MTA3: variants seen among roughly 807,000 people sequenced by gnomAD.
MTA3 encodes metastasis associated 1 family member 3.
In MTA3, 34 loss-of-function variants were observed where a neutral mutation model predicts 83.5. The ratio of observed to expected loss-of-function variants is 0.41; its 90% CI spans 0.31 to 0.54. The LOEUF (loss-of-function observed/expected upper bound fraction) is 0.54, where lower values mean the gene tolerates loss of function less well. Ranked by LOEUF, MTA3 falls within the 20% of genes least tolerant of loss-of-function variation. MTA3 has a pLI of 0.33. For missense variants in MTA3, 761 were observed against 726.4 expected, an observed-to-expected ratio of 1.05 and a Z score of -0.55; for synonymous variants, 303 against 252.7, an observed-to-expected ratio of 1.20 and a Z score of -1.89.
intron 4 of MTA3, among the ~76,000 whole-genome samples, chr2:42,625,646 C>A (rs1686000181): frequency 6.7e-6 from 1 of 148,258 alleles, no homozygotes; most frequent in South Asian, 2.1e-4. Context: ...ACTAAGGAGG[C>A]TGAGGTAGGA....
intron 3 of MTA3, among the ~76,000 whole-genome samples, chr2:42,586,680 GT>G (rs1375746237): frequency 6.6e-6 from 1 of 151,850 alleles, no homozygotes; most frequent in Non-Finnish European, 1.5e-5. Context: ...CCCGAGACGG[GT>G]AGATCACTTG....
At chr2:42,494,201 C>G (rs1037985092), upstream of MTA3, 1 of 152,172 alleles carries the variant, frequency 6.6e-6, no homozygotes, top group Non-Finnish European at 1.5e-5. Flanking sequence ...ACGCCGTCCT[C>G]CCCCTCCGCT....
intron 16 of MTA3, among the ~76,000 whole-genome samples, chr2:42,724,275 AAAACACAC>A (rs1465014298): frequency 0.036 from 2,942 of 82,164 alleles, 96 homozygotes; most frequent in South Asian, 0.068. Context: ...TAAGTCCTGA[AAAACACAC>A]ACACACACAC....
chr2:42,690,821 C>T (rs1355987594), intron 9 of MTA3, among the ~76,000 whole-genome samples: 1 of 150,614 alleles, frequency 6.6e-6, no homozygotes, highest in East Asian at 1.9e-4. Context: ...ACTACAGGCA[C>T]ACGCCACCAA....
intron 14 of MTA3, 100 bp downstream of exon 14, chr2:42,709,196 CA>C (rs1221413077): frequency 5.4e-6 from 8 of 1,475,196 alleles, no homozygotes; most frequent in Middle Eastern, 2.5e-4. Context: ...TTGCAATAAA[CA>C]TAAGTTCTTG....
chr2:42,647,267 A>G (rs1211889476), intron 6 of MTA3, among the ~76,000 whole-genome samples: 1 of 151,612 alleles, frequency 6.6e-6, no homozygotes, highest in Non-Finnish European at 1.5e-5. Context: ...TCTGTTGCCC[A>G]GGCTGAAGTG....
intron 11 of MTA3, among the ~76,000 whole-genome samples, chr2:42,700,691 A>T (rs532250125): frequency 3.6e-4 from 55 of 152,044 alleles, no homozygotes; most frequent in Middle Eastern, 3.4e-3. Flanking sequence ...GTAGATTTTT[A>T]AAAAAAGGAA....
At chr2:42,711,775 A>AGTGTGTGTTTGTGTGTGTGT (rs372997456) in intron 14 of MTA3, among the ~76,000 whole-genome samples, 6,179 of 139,358 alleles carry the variant, frequency 0.044, 273 homozygotes, top group South Asian at 0.081. Flanking sequence ...TGTATAGGAG[A>AGTGTGTGTTTGTGTGTGTGT]GAGAGAGAGT....
At chr2:42,565,196 A>G (rs1410408889), upstream of MTA3, among the ~76,000 whole-genome samples, 4 of 151,278 alleles carry the variant, frequency 2.6e-5, no homozygotes, top group African/African-American at 7.3e-5. Context: ...TCTTTTGTTT[A>G]TTTATTTTGA....
chr2:42,579,851 A>G (rs967939899), intron 3 of MTA3, among the ~76,000 whole-genome samples: 2 of 151,820 alleles, frequency 1.3e-5, no homozygotes, highest in East Asian at 1.9e-4. Flanking sequence ...GGCCTGGCCT[A>G]TTGGTGGTTT....
intron 2 of MTA3, among the ~76,000 whole-genome samples, chr2:42,525,655 CTTCT>C (rs1212325430): frequency 1.1e-4 from 10 of 94,086 alleles, no homozygotes; most frequent in Non-Finnish European, 1.5e-4. Flanking sequence ...TCTTTTTTTC[CTTCT>C]TTCTTTCTTT....
chr2:42,500,815 T>C (rs1433374916), intron 2 of MTA3, among the ~76,000 whole-genome samples: 2 of 150,732 alleles, frequency 1.3e-5, no homozygotes, highest in African/African-American at 4.9e-5. Context: ...ATGAAGCTTT[T>C]TTTTTTTTTT....
intron 16 of MTA3, among the ~76,000 whole-genome samples, chr2:42,741,593 A>C (rs151179778): frequency 1.6e-5 from 2 of 122,782 alleles, no homozygotes; most frequent in African/African-American, 7.1e-5. Flanking sequence ...GTCTCTGAGA[A>C]TAGAGATGCT....
chr2:42,500,375 G>A (rs549493772), intron 2 of MTA3, among the ~76,000 whole-genome samples: 4 of 152,162 alleles, frequency 2.6e-5, no homozygotes, highest in Admixed American at 1.3e-4. Flanking sequence ...CTCCAACTTG[G>A]GTGACAGAGT....
At chr2:42,693,000 G>A (rs1345665322) in intron 9 of MTA3, among the ~76,000 whole-genome samples, 1 of 152,158 alleles carries the variant, frequency 6.6e-6, no homozygotes, top group Non-Finnish European at 1.5e-5. Context: ...GTACTCCCTT[G>A]GTAGTCTCAG....
intron 3 of MTA3, among the ~76,000 whole-genome samples, chr2:42,606,498 C>G (rs1683434087): frequency 6.7e-6 from 1 of 149,060 alleles, no homozygotes; most frequent in African/African-American, 2.5e-5. Flanking sequence ...CGGGCAGAGA[C>G]GCCCCTCACT....
intron 5 of MTA3, among the ~76,000 whole-genome samples, chr2:42,643,776 T>C (rs555030185): frequency 6.6e-6 from 1 of 152,352 alleles, no homozygotes; most frequent in African/African-American, 2.4e-5. Flanking sequence ...TTCAGAAGTT[T>C]ATAAGATGAT....
At chr2:42,592,144 G>GTGCTGGGACTACAGCCTCCC (rs1681084062) in intron 3 of MTA3, among the ~76,000 whole-genome samples, 2 of 152,088 alleles carry the variant, frequency 1.3e-5, no homozygotes, top group Non-Finnish European at 2.9e-5. Context: ...AACACCTGTA[G>GTGCTGGGACTACAGCCTCCC]TCCCAGCTAA....
chr2:42,572,905 T>TTTAA (rs1246807940), intron 2 of MTA3, among the ~76,000 whole-genome samples: 1 of 151,994 alleles, frequency 6.6e-6, no homozygotes, highest in Non-Finnish European at 1.5e-5. Flanking sequence ...TTTTTGTGTG[T>TTTAA]TTATTAGAGA....
Sources: gnomAD v4.1 joint callset for allele counts (sites outside exome capture counted in the v4.1 genomes callset) on GRCh38, gnomAD v4.1.1 for gene constraint, MANE v1.5 for transcripts, NCBI Gene and HGNC (gene_info 2026-07-23, HGNC 2026-07-21) for gene names.